Variants in COL25A1 observed in about 807,000 individuals in gnomAD.
The protein encoded by COL25A1 is collagen alpha-1(XXV) chain.
A neutral mutation model predicts 128.4 loss-of-function variants in COL25A1; 103 were observed. The observed-to-expected ratio is 0.80, with a 90% CI of 0.68 to 0.94. COL25A1 has a LOEUF of 0.94. Ranked by LOEUF, COL25A1 falls within the 40% of genes least tolerant of loss-of-function variation. The pLI, the probability that COL25A1 is intolerant of heterozygous loss-of-function variation, is 0.00. For synonymous variants in COL25A1, 279 were observed against 277.2 expected, an observed-to-expected ratio of 1.01 and a Z score of -0.06; for missense variants, 745 against 840.0, an observed-to-expected ratio of 0.89 and a Z score of 1.40.
At chr4:109,267,182 G>A (rs1245549455) in intron 3 of COL25A1, among the ~76,000 whole-genome samples, 1 of 152,038 alleles carries the variant, frequency 6.6e-6, no homozygotes, top group Non-Finnish European at 1.5e-5. Flanking sequence ...AGTTTTCTGT[G>A]GGTTTATGAA....
At chr4:109,266,030 T>TA (rs398092683) in intron 3 of COL25A1, among the ~76,000 whole-genome samples, 2 of 151,514 alleles carry the variant, frequency 1.3e-5, no homozygotes, top group Non-Finnish European at 2.9e-5. Context: ...AAGTTTTTTT[T>TA]AAAACAGGTC....
intron 3 of COL25A1, among the ~76,000 whole-genome samples, chr4:109,247,261 A>C (rs1276467354): frequency 6.6e-6 from 1 of 152,126 alleles, no homozygotes; most frequent in East Asian, 1.9e-4. Context: ...GAAGCAGGAG[A>C]ATGGCTTGAA....
intron 11 of COL25A1, among the ~76,000 whole-genome samples, chr4:108,935,670 T>C (rs1747313612): frequency 6.6e-6 from 1 of 151,986 alleles, no homozygotes. Context: ...AGTTTTGATA[T>C]GAAATGAGAA....
Position 108,896,754 on chromosome 4 carries a change from C to T in COL25A1, c.862-43G>A, listed in dbSNP as rs751126665. 23 of 1,520,548 alleles carry T rather than the reference C, an allele frequency of 1.5e-5. 1 individual carries two copies. Among genetic ancestry groups the T allele is most frequent in the East Asian group, 9.0e-5 (4 of 44,378 alleles). The allele number at this position is 1,520,548 out of a possible 1,614,324, so 94.2% of individuals were successfully genotyped here. On this transcript the variant is annotated intron_variant, in intron 15 of 37. Coordinates refer to ENST00000399132, the MANE Select transcript of COL25A1 (RefSeq NM_198721.4). Reference sequence around the variant, plus strand: ...TGACACATGTAAAATACATTGGTGACGTCAAGCAGATAATATTTTTCATTA... The same window carrying T: ...TGACACATGTAAAATACATTGGTGATGTCAAGCAGATAATATTTTTCATTA...
chr4:109,254,387 T>A, intron 3 of COL25A1, among the ~76,000 whole-genome samples: 1 of 147,828 alleles, frequency 6.8e-6, no homozygotes, highest in East Asian at 2.0e-4. Flanking sequence ...GTCACAAGGC[T>A]GGGAACGCTA....
chr4:109,019,373 C>CATATATATATATATATATATAT (rs1271683280), intron 5 of COL25A1, among the ~76,000 whole-genome samples: 344 of 31,508 alleles, frequency 0.011, 3 homozygotes, highest in African/African-American at 0.013. Flanking sequence ...CACACACACA[C>CATATATATATATATATATATAT]ACATATATAT....
At position 109,301,722 on chromosome 4, in the gene COL25A1, C is replaced by A. The variant is rs1439304664; in HGVS notation, c.297+1G>T. ...GTGCAAAATACCCCAGCCTCTCACA[C>A]CTGAGCCAGAAGTCGCTCCACTTTC... On this transcript the variant is annotated splice_donor_variant, in intron 2 of 37. Transcript: ENST00000399132. LOFTEE classifies it high-confidence loss of function. The A allele has an allele frequency of 6.2e-7, 1 of 1,611,950 alleles. No individual in the cohort carries two copies. The highest frequency in any genetic ancestry group is 1.1e-5 in the South Asian group (1 of 90,948).
At chr4:108,942,345 A>C in intron 8 of COL25A1, 1 of 1,301,048 alleles carries the variant, frequency 7.7e-7, no homozygotes, top group Non-Finnish European at 1.1e-6. Flanking sequence ...CAAACAAAAC[A>C]AGCACATACC....
intron 33 of COL25A1, 77 bp downstream of exon 33, chr4:108,827,058 G>T: frequency 7.8e-7 from 1 of 1,279,444 alleles, no homozygotes; most frequent in Non-Finnish European, 1.1e-6. Context: ...TGCCCCACAA[G>T]CGAAGGGTTA....
rs7440626 is a variant in COL25A1, at chr4:108,810,705, A to G, written c.*3222T>C. On this transcript the variant is annotated 3_prime_UTR_variant, in exon 38 of 38. Coordinates refer to ENST00000399132, the MANE Select transcript of COL25A1 (RefSeq NM_198721.4). ...ATATGATGTATGAAATGAATATGAAATAGGAGGATCCATGATCCGAGTAAA... is the reference window on the plus strand; with the variant it reads ...ATATGATGTATGAAATGAATATGAAGTAGGAGGATCCATGATCCGAGTAAA... 74,256 of 151,760 alleles carry G rather than the reference A, an allele frequency of 0.49. 19,189 individuals are homozygous for G. Among genetic ancestry groups the G allele is most frequent in the Middle Eastern group, 0.64 (187 of 292 alleles). The allele number at this position is 151,760 out of a possible 1,614,324, so 9.4% of individuals were successfully genotyped here.
chr4:109,057,392 C>T (rs1381786175), intron 3 of COL25A1, among the ~76,000 whole-genome samples: 3 of 139,992 alleles, frequency 2.1e-5, no homozygotes, highest in South Asian at 2.3e-4. Context: ...CTTAGCCTCA[C>T]GAGTAGCTGG....
intron 3 of COL25A1, among the ~76,000 whole-genome samples, chr4:109,292,328 G>A (rs13147683): frequency 0.022 from 3,405 of 152,036 alleles, 65 homozygotes; most frequent in Non-Finnish European, 0.037. Context: ...ATTAATCTCC[G>A]AGATTTGTAT....
intron 3 of COL25A1, among the ~76,000 whole-genome samples, chr4:109,067,795 A>G (rs905421908): frequency 6.6e-6 from 1 of 152,234 alleles, no homozygotes; most frequent in African/African-American, 2.4e-5. Context: ...AAAATGGAAC[A>G]GGAGGAAAAG....
intron 31 of COL25A1, chr4:108,834,476 G>T: frequency 8.5e-7 from 1 of 1,174,214 alleles, no homozygotes; most frequent in Middle Eastern, 1.9e-4. Context: ...ATGAACAAAT[G>T]TAACACTTCA....
Position 109,082,485 on chromosome 4 carries a change from G to A in COL25A1, c.368-32306C>T, listed in dbSNP as rs149364495. 1.1e-4 allele frequency among the ~76,000 whole-genome samples: 17 copies of A among 152,232 alleles called. No homozygotes were observed. In the East Asian group the frequency reaches 3.1e-3, roughly 28 times the overall value. On this transcript the variant is annotated intron_variant, in intron 3 of 37. Coordinates refer to ENST00000399132, the MANE Select transcript of COL25A1 (RefSeq NM_198721.4). The stretch of plus-strand genomic sequence containing the variant: ...ACGATCTGGCTTTTTTATTACAGCC[G>A]TCCTCATGCATGTGAGGTAGTATTT...
intron 32 of COL25A1, 32 bp downstream of exon 32, chr4:108,832,348 G>C (rs751666400): frequency 1.3e-6 from 2 of 1,550,376 alleles, no homozygotes; most frequent in South Asian, 1.1e-5. Context: ...GTTTTCTTTA[G>C]TACAAGCTTA....
intron 3 of COL25A1, among the ~76,000 whole-genome samples, chr4:109,261,389 C>T (rs769878049): frequency 1.5e-4 from 23 of 152,112 alleles, no homozygotes; most frequent in Admixed American, 9.8e-4. Flanking sequence ...TGGTAGAGCA[C>T]TCCTGTAGAC....
intron 3 of COL25A1, among the ~76,000 whole-genome samples, chr4:109,263,139 C>A (rs1431136679): frequency 6.6e-6 from 1 of 151,912 alleles, no homozygotes; most frequent in Non-Finnish European, 1.5e-5. Context: ...AAAACAACAA[C>A]AACAACAACA....
chr4:108,893,349 A>C (rs1741747515), intron 16 of COL25A1, among the ~76,000 whole-genome samples: 1 of 152,222 alleles, frequency 6.6e-6, no homozygotes, highest in South Asian at 2.1e-4. Flanking sequence ...ACAGGGGAAA[A>C]TAGATAAGAA....
Sources: allele counts gnomAD v4.1 joint callset (sites outside exome capture counted in the v4.1 genomes callset), GRCh38; gene constraint gnomAD v4.1.1; transcripts MANE v1.5; gene names NCBI Gene and HGNC (gene_info 2026-07-23, HGNC 2026-07-21).